Variants in ZBBX observed in about 807,000 individuals in gnomAD.
ZBBX encodes the protein zinc finger B-box domain-containing protein 1.
In ZBBX, 101 loss-of-function variants were observed where a neutral mutation model predicts 108.5. That is an observed-to-expected ratio of 0.93 (90% CI 0.79 to 1.10). The LOEUF (loss-of-function observed/expected upper bound fraction) is 1.10. ZBBX is among the 50% of genes least tolerant of loss of function. The probability of loss-of-function intolerance (pLI) is 0.00; values close to 1 mark genes in which losing one functional copy is unlikely to be tolerated. For synonymous variants in ZBBX, 356 were observed against 323.4 expected (o/e 1.10, Z -1.08); for missense variants, 1,009 against 941.4 (o/e 1.07, Z -0.94).
chr3:167,263,973 T>C (rs1240291223), intron 20 of ZBBX, among the ~76,000 whole-genome samples: 2 of 152,220 alleles, frequency 1.3e-5, no homozygotes, highest in African/African-American at 4.8e-5. Context: ...TATAATGACC[T>C]TCTTCTTACA....
intron 9 of ZBBX, among the ~76,000 whole-genome samples, chr3:167,343,202 A>G (rs1217905634): frequency 1.3e-5 from 2 of 151,900 alleles, no homozygotes; most frequent in Admixed American, 6.6e-5. Flanking sequence ...ATAGCCCTGC[A>G]AGCTTCTGAG....
At chr3:167,387,021 A>G (rs1257509284) in intron 1 of ZBBX, among the ~76,000 whole-genome samples, 1 of 152,016 alleles carries the variant, frequency 6.6e-6, no homozygotes, top group Non-Finnish European at 1.5e-5. Flanking sequence ...AGTTACTGCC[A>G]CAATATTTCA....
Position 167,317,609 on chromosome 3 carries a change from G to T in ZBBX, c.984-12C>A. On this transcript the variant is annotated splice_polypyrimidine_tract_variant and intron_variant, in intron 12 of 21. Transcript: ENST00000675490. ...GCTCTTGTGGAGTTCTACAAAATAA[G>T]AAAGAAGCAATTAAGAGACTGAAAT... 8 of 1,577,464 alleles carry T rather than the reference G, an allele frequency of 5.1e-6. No homozygotes were observed. Among genetic ancestry groups the T allele is most frequent in the Non-Finnish European group, 6.9e-6 (8 of 1,155,508 alleles).
chr3:167,287,211 C>T (rs1729863206), intron 19 of ZBBX, among the ~76,000 whole-genome samples: 1 of 151,978 alleles, frequency 6.6e-6, no homozygotes, highest in African/African-American at 2.4e-5. Context: ...ACTCATAGGT[C>T]TTTTTATAAA....
intron 19 of ZBBX, 143 bp from the exon 20 acceptor site, chr3:167,282,638 C>A (rs972711531): frequency 3.2e-6 from 2 of 633,084 alleles, no homozygotes; most frequent in Admixed American, 3.2e-5. Context: ...GACTATCACC[C>A]TTTCTAGCTA....
intron 1 of ZBBX, among the ~76,000 whole-genome samples, chr3:167,399,247 A>G (rs1222768496): frequency 6.6e-6 from 1 of 152,178 alleles, no homozygotes; most frequent in Non-Finnish European, 1.5e-5. Context: ...TTTATAGAGT[A>G]CCAATTGTAT....
At chr3:167,384,054 T>C (rs1244847845), upstream of ZBBX, among the ~76,000 whole-genome samples, 1 of 152,086 alleles carries the variant, frequency 6.6e-6, no homozygotes, top group Non-Finnish European at 1.5e-5. Flanking sequence ...CAATGGAAAC[T>C]GTGAAATTTT....
At chr3:167,325,711 C>T (rs899024673) in intron 11 of ZBBX, among the ~76,000 whole-genome samples, 1 of 152,004 alleles carries the variant, frequency 6.6e-6, no homozygotes, top group African/African-American at 2.4e-5. Context: ...ACTCAATATT[C>T]GCTGATAGAA....
chr3:167,186,325 A>C, the ZBBX span, among the ~76,000 whole-genome samples: 1 of 152,106 alleles, frequency 6.6e-6, no homozygotes, highest in Non-Finnish European at 1.5e-5. Context: ...CTAGGGACCA[A>C]GAGTTGTTCA....
At chr3:167,332,791 G>A (rs1425078359) in intron 10 of ZBBX, among the ~76,000 whole-genome samples, 1 of 152,116 alleles carries the variant, frequency 6.6e-6, no homozygotes, top group Non-Finnish European at 1.5e-5. Context: ...AGGAAATTTG[G>A]AGTCAGAAGG....
At chr3:167,232,373 A>G in the ZBBX span, among the ~76,000 whole-genome samples, 1 of 151,956 alleles carries the variant, frequency 6.6e-6, no homozygotes, top group South Asian at 2.1e-4. Context: ...GCTCGTTTTC[A>G]CCTTGGCATC....
At chr3:167,334,741 A>G (rs1739276233) in intron 9 of ZBBX, among the ~76,000 whole-genome samples, 1 of 152,060 alleles carries the variant, frequency 6.6e-6, no homozygotes, top group South Asian at 2.1e-4. Context: ...GATAGATGCG[A>G]TATTTTGTGC....
intron 2 of ZBBX, among the ~76,000 whole-genome samples, chr3:167,378,352 G>A (rs949057831): frequency 1.3e-5 from 2 of 152,020 alleles, no homozygotes; most frequent in African/African-American, 4.8e-5. Context: ...TAGATATCAA[G>A]GGACAAGATA....
intron 18 of ZBBX, among the ~76,000 whole-genome samples, chr3:167,294,090 GA>G (rs1490488522): frequency 1.3e-5 from 2 of 152,148 alleles, no homozygotes; most frequent in African/African-American, 4.8e-5. Context: ...TGGATTGGAA[GA>G]ATCAATATCA....
chr3:167,356,085 G>C (rs754159654), intron 8 of ZBBX, among the ~76,000 whole-genome samples: 5 of 152,004 alleles, frequency 3.3e-5, no homozygotes, highest in Non-Finnish European at 5.9e-5. Flanking sequence ...CACAGAGTAG[G>C]AGTCACAAAA....
chr3:167,372,735 T>C (rs1236261511), intron 4 of ZBBX, 99 bp downstream of exon 4: 6 of 588,234 alleles, frequency 1.0e-5, no homozygotes, highest in Admixed American at 6.3e-5. Flanking sequence ...AATACAGGAA[T>C]GTGAAAAATG....
chr3:167,262,711 G>A (rs1724765452), intron 20 of ZBBX, among the ~76,000 whole-genome samples: 2 of 152,110 alleles, frequency 1.3e-5, no homozygotes, highest in African/African-American at 2.4e-5. Flanking sequence ...ATATGCCTAG[G>A]CATTTATCCA....
chr3:167,231,558 A>C, the ZBBX span, among the ~76,000 whole-genome samples: 1 of 151,946 alleles, frequency 6.6e-6, no homozygotes, highest in Non-Finnish European at 1.5e-5. Flanking sequence ...CCAGTGAAAA[A>C]AATCAAAGTG....
intron 17 of ZBBX, among the ~76,000 whole-genome samples, chr3:167,300,913 GC>G (rs1202670157): frequency 7.8e-6 from 1 of 127,626 alleles, no homozygotes; most frequent in Non-Finnish European, 1.6e-5. Context: ...ACTGTGCCTG[GC>G]CTTTTTTTTT....
Sources: gnomAD v4.1 joint callset for allele counts (sites outside exome capture counted in the v4.1 genomes callset) on GRCh38, gnomAD v4.1.1 for gene constraint, MANE v1.5 for transcripts, NCBI Gene and HGNC (gene_info 2026-07-23, HGNC 2026-07-21) for gene names.